Variants in OPCML observed in about 807,000 individuals in gnomAD.
OPCML encodes the protein opioid binding protein/cell adhesion molecule like.
A neutral mutation model predicts 37.8 loss-of-function variants in OPCML; 13 were observed. That is an observed-to-expected ratio of 0.34 (90% confidence interval 0.22 to 0.55). The LOEUF is 0.55. OPCML is among the 20% of genes least tolerant of loss of function. OPCML has a pLI of 0.91. For missense variants in OPCML, 341 were observed against 435.6 expected, an observed-to-expected ratio of 0.78 and a Z score of 1.93; for synonymous variants, 176 against 168.8, an observed-to-expected ratio of 1.04 and a Z score of -0.33.
intron 1 of OPCML, among the ~76,000 whole-genome samples, chr11:133,232,796 A>G (rs976015279): frequency 6.6e-6 from 1 of 152,230 alleles, no homozygotes; most frequent in African/African-American, 2.4e-5. Flanking sequence ...AGCGACCCTC[A>G]CCAAACAGGT....
intron 1 of OPCML, among the ~76,000 whole-genome samples, chr11:133,489,409 A>T (rs148697858): frequency 6.6e-6 from 1 of 152,190 alleles, no homozygotes. Flanking sequence ...CCCCATTTAA[A>T]AGTGGACAAA....
intron 1 of OPCML, among the ~76,000 whole-genome samples, chr11:133,332,738 T>C (rs1592209531): frequency 6.6e-6 from 1 of 152,308 alleles, no homozygotes; most frequent in East Asian, 1.9e-4. Flanking sequence ...TTTAGTTCTG[T>C]TTATCTGATG....
intron 4 of OPCML, among the ~76,000 whole-genome samples, chr11:132,442,424 A>G (rs2096039209): frequency 6.6e-6 from 1 of 152,140 alleles, no homozygotes; most frequent in Non-Finnish European, 1.5e-5. Context: ...TCTTGCATCC[A>G]ATTTTCCTGT....
intron 4 of OPCML, among the ~76,000 whole-genome samples, chr11:132,521,192 T>G (rs986628047): frequency 6.6e-6 from 1 of 152,212 alleles, no homozygotes; most frequent in African/African-American, 2.4e-5. Flanking sequence ...CAGAAGTATC[T>G]GTTCATATCC....
chr11:132,551,234 A>G (rs1029748166), intron 3 of OPCML, among the ~76,000 whole-genome samples: 5 of 152,208 alleles, frequency 3.3e-5, no homozygotes, highest in African/African-American at 1.2e-4. Context: ...CGCTAGAATT[A>G]GGAAATAGGG....
At chr11:133,326,398 G>A (rs946536909) in intron 1 of OPCML, among the ~76,000 whole-genome samples, 2 of 140,656 alleles carry the variant, frequency 1.4e-5, no homozygotes, top group South Asian at 2.3e-4. Context: ...GTATAAGTGT[G>A]TGGAAACAGT....
chr11:133,021,419 C>T lies in OPCML; in HGVS notation c.62-78409G>A, dbSNP rs556365825. On this transcript the variant is annotated intron_variant, in intron 1 of 7. Transcript: ENST00000524381. Reference sequence around the variant, plus strand: ...CAAGGAGATCTGTTTCATAATCCAACTTTTCTGTGATACACCCCAGTTCAC... The same window carrying T: ...CAAGGAGATCTGTTTCATAATCCAATTTTTCTGTGATACACCCCAGTTCAC... Among the ~76,000 whole-genome samples, 18 of 152,172 alleles carry T rather than the reference C, an allele frequency of 1.2e-4. No homozygotes were observed. The South Asian group carries it at 1.9e-3, about 16-fold the overall frequency.
intron 2 of OPCML, among the ~76,000 whole-genome samples, chr11:132,884,594 A>G (rs1311500798): frequency 6.6e-6 from 1 of 152,236 alleles, no homozygotes; most frequent in Non-Finnish European, 1.5e-5. Flanking sequence ...TAGTTTAAAG[A>G]CAGAACATCA....
intron 2 of OPCML, among the ~76,000 whole-genome samples, chr11:132,731,536 A>C (rs566503740): frequency 6.6e-6 from 1 of 152,304 alleles, no homozygotes; most frequent in East Asian, 1.9e-4. Flanking sequence ...CATCCACTAA[A>C]ATTGGCACAT....
chr11:133,160,820 T>C (rs1459411376), intron 1 of OPCML, among the ~76,000 whole-genome samples: 1 of 152,150 alleles, frequency 6.6e-6, no homozygotes, highest in African/African-American at 2.4e-5. Flanking sequence ...AGACATTGCA[T>C]TCATCCTGGA....
Position 133,006,477 on chromosome 11 carries a change from A to G in OPCML, c.62-63467T>C, listed in dbSNP as rs1361923013. ...AGTGAGCTCTTTAAAGGATCAAGAA[A>G]GAAAGTTTTATCTCCTTAATCATCA... On this transcript the variant is annotated intron_variant, in intron 1 of 7. Coordinates refer to ENST00000524381, the MANE Select transcript of OPCML (RefSeq NM_001012393.5). 8.1e-6 allele frequency: 8 copies of G among 985,450 alleles called. No homozygotes were observed. The East Asian group carries it at 5.7e-4, about 70-fold the overall frequency. 61.0% of individuals were successfully genotyped at this position (985,450 alleles called of 1,614,324 possible). A position where few individuals can be genotyped will look rare whatever the true frequency, so the allele number is the denominator to read the frequency against.
At position 133,036,205 on chromosome 11, in the gene OPCML, G is replaced by A. The variant is rs562548786; in HGVS notation, c.62-93195C>T. Among the ~76,000 whole-genome samples, 4 of 152,338 alleles carry A rather than the reference G, an allele frequency of 2.6e-5. No individual in the cohort carries two copies. In the South Asian group the frequency reaches 6.2e-4, roughly 24 times the overall value. The stretch of plus-strand genomic sequence containing the variant: ...CAAATGATGGTTGCTTTAAAGGGTT[G>A]CTGCTTAAGTGCAATGGTATCGAGT... On this transcript the variant is annotated intron_variant, in intron 1 of 7. Coordinates refer to ENST00000524381, the MANE Select transcript of OPCML (RefSeq NM_001012393.5).
chr11:132,800,010 G>T (rs1443222677), intron 2 of OPCML, among the ~76,000 whole-genome samples: 1 of 151,998 alleles, frequency 6.6e-6, no homozygotes, highest in African/African-American at 2.4e-5. Context: ...TGACCAATTT[G>T]GTAACTATTG....
At chr11:133,181,140 G>A (rs1266586409) in intron 1 of OPCML, among the ~76,000 whole-genome samples, 6 of 152,320 alleles carry the variant, frequency 3.9e-5, no homozygotes, top group South Asian at 4.1e-4. Context: ...GGTTGCCAGC[G>A]TTTGGGGACC....
chr11:132,667,591 G>T (rs78836558), intron 2 of OPCML, among the ~76,000 whole-genome samples: 1 of 152,278 alleles, frequency 6.6e-6, no homozygotes, highest in Non-Finnish European at 1.5e-5. Context: ...TAAAGTATAT[G>T]AAGGAAAGAT....
chr11:132,759,914 C>A (rs529405953), intron 2 of OPCML, among the ~76,000 whole-genome samples: 3 of 152,022 alleles, frequency 2.0e-5, no homozygotes, highest in Non-Finnish European at 4.4e-5. Flanking sequence ...AGATCTTTCC[C>A]GCTTTCTCAT....
At chr11:133,067,680 G>T (rs1227750116) in intron 1 of OPCML, 1 of 152,148 alleles carries the variant, frequency 6.6e-6, no homozygotes, top group Non-Finnish European at 1.5e-5. Context: ...GGGCAAAGTG[G>T]CCAGGTGGAT....
intron 4 of OPCML, among the ~76,000 whole-genome samples, chr11:132,509,797 T>G (rs1025087413): frequency 2.0e-5 from 3 of 152,200 alleles, no homozygotes; most frequent in Non-Finnish European, 4.4e-5. Context: ...GGGGCCCTCA[T>G]GGAGAACCTC....
chr11:132,927,572 TGAAA>T (rs1945038238), intron 2 of OPCML, among the ~76,000 whole-genome samples: 1 of 152,104 alleles, frequency 6.6e-6, no homozygotes, highest in Non-Finnish European at 1.5e-5. Context: ...TCAAGAAATA[TGAAA>T]GAGAGTCCTT....
Sources: gnomAD v4.1 joint callset for allele counts (sites outside exome capture counted in the v4.1 genomes callset) on GRCh38, gnomAD v4.1.1 for gene constraint, MANE v1.5 for transcripts, NCBI Gene and HGNC (gene_info 2026-07-23, HGNC 2026-07-21) for gene names.